CDV3: variants seen among roughly 807,000 people sequenced by gnomAD.
CDV3 encodes protein CDV3 homolog.
A neutral mutation model predicts 24.5 loss-of-function variants in CDV3; 14 were observed. The ratio of observed to expected loss-of-function variants is 0.57; its 90% CI spans 0.38 to 0.89. The LOEUF (loss-of-function observed/expected upper bound fraction) is 0.89. Ranked by LOEUF, CDV3 falls within the 40% of genes least tolerant of loss-of-function variation. CDV3 has a pLI of 0.00. For synonymous variants in CDV3, 114 were observed against 114.1 expected (o/e 1.00, Z 0.00); for missense variants, 304 against 310.2 (o/e 0.98, Z 0.15).
chr3:133,579,671 C>T (rs144814305), intron 2 of CDV3, among the ~76,000 whole-genome samples: 3 of 152,204 alleles, frequency 2.0e-5, no homozygotes, highest in Non-Finnish European at 4.4e-5. Flanking sequence ...CCGCTCACTG[C>T]AACCTCCACC....
chr3:133,584,233 T>C (rs1933359693), intron 3 of CDV3, 83 bp downstream of exon 3: 2 of 1,034,742 alleles, frequency 1.9e-6, no homozygotes, highest in African/African-American at 1.6e-5. Flanking sequence ...AAGTGCATGA[T>C]TGTGGTAGGG....
chr3:133,584,205 T>C (rs1933355974), intron 3 of CDV3, 55 bp downstream of exon 3: 1 of 1,338,250 alleles, frequency 7.5e-7, no homozygotes, highest in East Asian at 2.3e-5. Context: ...TGATTTTATA[T>C]ATGGTCCACT....
chr3:133,577,942 T>C (rs895642734), intron 2 of CDV3, among the ~76,000 whole-genome samples: 4 of 152,164 alleles, frequency 2.6e-5, no homozygotes, highest in Admixed American at 6.5e-5. Flanking sequence ...GAGGCTGTCA[T>C]TTGAGTTAGA....
At chr3:133,577,733 C>T (rs2074869065) in intron 2 of CDV3, among the ~76,000 whole-genome samples, 1 of 152,160 alleles carries the variant, frequency 6.6e-6, no homozygotes, top group Admixed American at 6.5e-5. Context: ...TTTACCTGTA[C>T]ATTTGAAAGG....
chr3:133,578,781 AG>A (rs1310646569), intron 2 of CDV3, among the ~76,000 whole-genome samples: 1 of 152,154 alleles, frequency 6.6e-6, no homozygotes, highest in Non-Finnish European at 1.5e-5. Flanking sequence ...AGCTCAATCC[AG>A]TCTGATTTTT....
In CDV3 at chr3:133,574,074, C is replaced by T; in HGVS notation, c.30C>T (p.Asp10=). The T allele has an allele frequency of 2.4e-6, 3 of 1,237,802 alleles. No homozygotes were observed. Among genetic ancestry groups the T allele is most frequent in the Non-Finnish European group, 3.1e-6 (3 of 965,098 alleles). 76.7% of individuals were successfully genotyped at this position (1,237,802 alleles called of 1,614,324 possible). A position where few individuals can be genotyped will look rare whatever the true frequency, so the allele number is the denominator to read the frequency against. Residue 10 remains aspartate (D), a synonymous_variant, in exon 1 of 5, where the codon GAC becomes GAT. Coordinates refer to ENST00000264993, the MANE Select transcript of CDV3 (RefSeq NM_017548.5). MAETEERSL[D]NFFAKRDKKK... is the part of the protein sequence containing the mutation. ...CTGAGACGGAGGAGCGGAGCCTGGA[C>T]AACTTCTTTGCCAAGAGGGACAAGA...
chr3:133,580,440 C>T (rs1345951861), intron 2 of CDV3, among the ~76,000 whole-genome samples: 5 of 152,140 alleles, frequency 3.3e-5, no homozygotes, highest in African/African-American at 9.7e-5. Flanking sequence ...CAGTGGCTCA[C>T]GCCTGTAATC....
In CDV3 at chr3:133,574,356, C is replaced by T. The variant is rs981578504; in HGVS notation, c.240+72C>T. ...CGCCCCATGTGCCCGCCCCCGCCTG[C>T]CGGGGAAGCGTCCGGGAGGGGCCGC... On this transcript the variant is annotated intron_variant, in intron 1 of 4. Coordinates refer to ENST00000264993, the MANE Select transcript of CDV3 (RefSeq NM_017548.5). The T allele has an allele frequency of 9.8e-6, 9 of 918,160 alleles. No individual in the cohort carries two copies. The African/African-American group carries it at 1.4e-4, about 15-fold the overall frequency. The allele number at this position is 918,160 out of a possible 1,614,324, so 56.9% of individuals were successfully genotyped here.
intron 2 of CDV3, among the ~76,000 whole-genome samples, chr3:133,579,059 T>C (rs2074922219): frequency 6.6e-6 from 1 of 152,244 alleles, no homozygotes; most frequent in South Asian, 2.1e-4. Context: ...CTATTTTGGC[T>C]CTGCTACTTT....
At chr3:133,574,951 C>A in intron 1 of CDV3, 88 bp from the exon 2 acceptor site, 2 of 876,174 alleles carry the variant, frequency 2.3e-6, no homozygotes, top group African/African-American at 1.7e-5. Context: ...TAGGTTCCAG[C>A]CACTTGATCC....
At chr3:133,587,603 G>C in intron 4 of CDV3, 1 of 1,139,340 alleles carries the variant, frequency 8.8e-7, no homozygotes, top group Non-Finnish European at 1.1e-6. Flanking sequence ...AGAGTCTTAG[G>C]AGGAATGTCA....
intron 2 of CDV3, among the ~76,000 whole-genome samples, chr3:133,583,598 T>G (rs1305172746): frequency 6.6e-6 from 1 of 152,202 alleles, no homozygotes; most frequent in Non-Finnish European, 1.5e-5. Context: ...AGTCACGCTC[T>G]GTCGCCCAGG....
rs1293703504 is a variant in CDV3, at chr3:133,589,401, AT to A, written c.*1357del. 1 of 152,664 alleles carries A rather than the reference AT, an allele frequency of 6.6e-6. No homozygotes were observed. Among genetic ancestry groups the A allele is most frequent in the African/African-American group, 2.4e-5 (1 of 41,450 alleles). 9.5% of individuals were successfully genotyped at this position (152,664 alleles called of 1,614,324 possible). The stretch of plus-strand genomic sequence containing the variant: ...TTAATAATTATTGCTTAAAATACCT[AT>A]TAATAGTTTTGGGTCATTTAAAGGG... On this transcript the variant is annotated 3_prime_UTR_variant, in exon 5 of 5. Transcript: ENST00000264993.
Position 133,579,643 on chromosome 3 carries a change from G to A in CDV3, c.318-4359G>A, listed in dbSNP as rs1045877603. Among the ~76,000 whole-genome samples the A allele has an allele frequency of 1.9e-4, 29 of 151,660 alleles. No individual in the cohort carries two copies. The East Asian group carries it at 5.2e-3, about 27-fold the overall frequency. Reference sequence around the variant, plus strand: ...TTTTTGCTTTTGTTACCCAGGCTGGGGTGCAATGGCGCAATCTCCGCTCAC... The same window carrying A: ...TTTTTGCTTTTGTTACCCAGGCTGGAGTGCAATGGCGCAATCTCCGCTCAC... On this transcript the variant is annotated intron_variant, in intron 2 of 4. Transcript: ENST00000264993.
At chr3:133,578,329 G>A (rs936350930) in intron 2 of CDV3, among the ~76,000 whole-genome samples, 2 of 152,176 alleles carry the variant, frequency 1.3e-5, no homozygotes, top group East Asian at 1.9e-4. Flanking sequence ...ATTCTTGAAG[G>A]TATACACTGT....
intron 2 of CDV3, among the ~76,000 whole-genome samples, chr3:133,576,449 G>C (rs1175169123): frequency 6.6e-6 from 1 of 152,182 alleles, no homozygotes; most frequent in Non-Finnish European, 1.5e-5. Flanking sequence ...CTCCGGTTCT[G>C]TTGTAAAGTT....
chr3:133,582,861 C>T lies in CDV3; in HGVS notation c.318-1141C>T, dbSNP rs181320987. On this transcript the variant is annotated intron_variant, in intron 2 of 4. Transcript: ENST00000264993. Reference sequence around the variant, plus strand: ...GGTGAAGAGTTGCAAAAAGGACGTTCGATTTAGCCATTATTGTGCTTTAAT... The same window carrying T: ...GGTGAAGAGTTGCAAAAAGGACGTTTGATTTAGCCATTATTGTGCTTTAAT... 8.8e-4 allele frequency among the ~76,000 whole-genome samples: 134 copies of T among 152,240 alleles called. 5 individuals are homozygous for T. The East Asian group carries it at 0.022, about 25-fold the overall frequency.
intron 4 of CDV3, 78 bp downstream of exon 4, chr3:133,586,800 AC>A: frequency 2.4e-6 from 2 of 850,576 alleles, no homozygotes; most frequent in South Asian, 3.0e-5. Context: ...GGATGTGCAT[AC>A]CCACCCAAGG....
chr3:133,579,414 C>A (rs867896345), intron 2 of CDV3, among the ~76,000 whole-genome samples: 1 of 152,094 alleles, frequency 6.6e-6, no homozygotes, highest in Non-Finnish European at 1.5e-5. Context: ...CCGTTTGGAA[C>A]GTGTTTCTTG....
Sources: gnomAD v4.1 joint callset for allele counts (sites outside exome capture counted in the v4.1 genomes callset) on GRCh38, gnomAD v4.1.1 for gene constraint, MANE v1.5 for transcripts, NCBI Gene and HGNC (gene_info 2026-07-23, HGNC 2026-07-21) for gene names.